Variants in SRBD1 observed in about 807,000 individuals in gnomAD.
The protein encoded by SRBD1 is S1 RNA-binding domain-containing protein 1.
A neutral mutation model predicts 115.3 loss-of-function variants in SRBD1; 88 were observed. The ratio of observed to expected loss-of-function variants is 0.76; its 90% CI spans 0.64 to 0.91. The LOEUF (loss-of-function observed/expected upper bound fraction) is 0.91. Among genes scored for constraint, SRBD1 ranks in the 40% least tolerant of loss-of-function variants. The probability of loss-of-function intolerance (pLI) is 0.00; values close to 1 mark genes in which losing one functional copy is unlikely to be tolerated. For missense variants in SRBD1, 1,385 were observed against 1,177.4 expected (o/e 1.18, Z -2.58); for synonymous variants, 509 against 407.7 (o/e 1.25, Z -2.99).
intron 16 of SRBD1, among the ~76,000 whole-genome samples, chr2:45,462,126 C>T (rs1316105796): frequency 6.6e-6 from 1 of 152,198 alleles, no homozygotes; most frequent in Non-Finnish European, 1.5e-5. Flanking sequence ...AATCAAAATG[C>T]AGTCATTTCT....
chr2:45,476,006 C>T (rs1441131659), intron 16 of SRBD1, among the ~76,000 whole-genome samples: 1 of 152,204 alleles, frequency 6.6e-6, no homozygotes, highest in Non-Finnish European at 1.5e-5. Context: ...GCCAGTTGTA[C>T]TCTTTAGATA....
chr2:45,545,206 G>A (rs1219736213), intron 14 of SRBD1, among the ~76,000 whole-genome samples: 3 of 148,634 alleles, frequency 2.0e-5, no homozygotes, highest in African/African-American at 2.5e-5. Context: ...CATGAACCTG[G>A]GACACAGAGC....
chr2:45,478,354 A>G (rs917744655), intron 15 of SRBD1, among the ~76,000 whole-genome samples: 11 of 152,168 alleles, frequency 7.2e-5, no homozygotes, highest in Non-Finnish European at 1.6e-4. Context: ...CAGACATAAG[A>G]TCTACTTATC....
intron 16 of SRBD1, among the ~76,000 whole-genome samples, chr2:45,432,316 A>C (rs973021749): frequency 6.6e-6 from 1 of 151,644 alleles, no homozygotes; most frequent in Non-Finnish European, 1.5e-5. Flanking sequence ...GGTGTGAGCC[A>C]CTGCGCCTGG....
chr2:45,580,898 T>G (rs999193240), intron 6 of SRBD1, among the ~76,000 whole-genome samples: 2 of 151,196 alleles, frequency 1.3e-5, no homozygotes, highest in African/African-American at 4.9e-5. Context: ...TTGGCCAGGC[T>G]GGTCTTGAAC....
At chr2:45,556,159 A>G (rs1672469488) in intron 10 of SRBD1, among the ~76,000 whole-genome samples, 1 of 152,288 alleles carries the variant, frequency 6.6e-6, no homozygotes, top group Admixed American at 6.5e-5. Context: ...TAGGCAGGAT[A>G]TACATCCTTC....
intron 4 of SRBD1, among the ~76,000 whole-genome samples, chr2:45,588,814 G>A (rs1673628356): frequency 6.6e-6 from 1 of 152,190 alleles, no homozygotes; most frequent in Non-Finnish European, 1.5e-5. Flanking sequence ...GAGGATGGTG[G>A]TGCTAAGAGA....
intron 18 of SRBD1, among the ~76,000 whole-genome samples, chr2:45,415,555 CTG>C (rs1183085395): frequency 1.1e-4 from 16 of 142,956 alleles, no homozygotes; most frequent in African/African-American, 3.6e-4. Flanking sequence ...TGCATATAGT[CTG>C]TATACGTATA....
chr2:45,501,807 G>A (rs1173479108), intron 14 of SRBD1, among the ~76,000 whole-genome samples: 2 of 152,176 alleles, frequency 1.3e-5, no homozygotes, highest in African/African-American at 2.4e-5. Flanking sequence ...CGAACTGGGT[G>A]GAGTCCACCG....
chr2:45,503,629 G>T (rs914071109), intron 14 of SRBD1, among the ~76,000 whole-genome samples: 1 of 152,072 alleles, frequency 6.6e-6, no homozygotes, highest in African/African-American at 2.4e-5. Flanking sequence ...CAAATTAAGA[G>T]GAACCAAAGA....
intron 14 of SRBD1, among the ~76,000 whole-genome samples, chr2:45,501,000 G>A (rs1195849501): frequency 6.6e-6 from 1 of 152,122 alleles, no homozygotes; most frequent in Admixed American, 6.5e-5. Context: ...TCCCCATTCA[G>A]TGTATTAGCT....
At chr2:45,399,617 C>G (rs1416787396) in intron 19 of SRBD1, among the ~76,000 whole-genome samples, 1 of 152,064 alleles carries the variant, frequency 6.6e-6, no homozygotes, top group Non-Finnish European at 1.5e-5. Context: ...CAGGCCTACC[C>G]TTTTACTTTC....
At chr2:45,549,255 A>G (rs184241593) in intron 12 of SRBD1, among the ~76,000 whole-genome samples, 103 of 152,130 alleles carry the variant, frequency 6.8e-4, no homozygotes, top group African/African-American at 2.4e-3. Flanking sequence ...AGCAACAGAG[A>G]AGCAGATTCC....
At chr2:45,411,393 A>G (rs544918116) in intron 19 of SRBD1, among the ~76,000 whole-genome samples, 1 of 152,372 alleles carries the variant, frequency 6.6e-6, no homozygotes, top group Non-Finnish European at 1.5e-5. Context: ...ATTACTGAGC[A>G]ATAAAAAATA....
At chr2:45,595,406 C>T (rs185239204) in intron 4 of SRBD1, among the ~76,000 whole-genome samples, 23 of 152,312 alleles carry the variant, frequency 1.5e-4, no homozygotes, top group Admixed American at 1.5e-3. Flanking sequence ...AGTTTCACAA[C>T]CATTCCTTGC....
At chr2:45,520,192 C>T (rs1421731976) in intron 14 of SRBD1, among the ~76,000 whole-genome samples, 1 of 152,232 alleles carries the variant, frequency 6.6e-6, no homozygotes, top group Non-Finnish European at 1.5e-5. Context: ...AGCACAAAAA[C>T]AGCAGCAGGG....
chr2:45,450,399 T>C (rs13032444), intron 16 of SRBD1, among the ~76,000 whole-genome samples: 16,070 of 152,176 alleles, frequency 0.11, 908 homozygotes, highest in South Asian at 0.16. Flanking sequence ...TATATTTGTA[T>C]AGTACCAAAT....
Position 45,573,221 on chromosome 2 carries a change from T to C in SRBD1, c.1291A>G (p.Ile431Val), listed in dbSNP as rs376533311. 3.7e-6 allele frequency: 6 copies of C among 1,608,536 alleles called. No homozygotes were observed. Among genetic ancestry groups the C allele is most frequent in the East Asian group, 2.2e-5 (1 of 44,568 alleles). ...TCTTTATTTACCTGATGATGGTGAATGTTTCTTATGTTGCAGGAAAAATGC... is the reference window on the plus strand; with the variant it reads ...TCTTTATTTACCTGATGATGGTGAACGTTTCTTATGTTGCAGGAAAAATGC... ...YQHFSCNIRNIHHHQILAINR... is the reference protein window; with the variant it reads ...YQHFSCNIRNVHHHQILAINR... Residue 431 changes from isoleucine (I) to valine (V), a missense_variant, in exon 9 of 21, where the codon ATT (isoleucine) becomes GTT (valine). Ile to Val is a conservative substitution (Grantham distance 29). Transcript: ENST00000263736.
At chr2:45,560,591 G>T (rs1048843710) in intron 10 of SRBD1, among the ~76,000 whole-genome samples, 6 of 152,168 alleles carry the variant, frequency 3.9e-5, no homozygotes, top group Non-Finnish European at 7.4e-5. Flanking sequence ...TAAGTAGCAT[G>T]CCCATAGGTG....
Sources: gnomAD v4.1 joint callset for allele counts (sites outside exome capture counted in the v4.1 genomes callset) on GRCh38, gnomAD v4.1.1 for gene constraint, MANE v1.5 for transcripts, NCBI Gene and HGNC (gene_info 2026-07-23, HGNC 2026-07-21) for gene names.